CFAP47: variants seen among roughly 807,000 people sequenced by gnomAD.
CFAP47 encodes cilia and flagella associated protein 47.
A neutral mutation model predicts 148.1 loss-of-function variants in CFAP47; 29 were observed. The ratio of observed to expected loss-of-function variants is 0.20; its 90% confidence interval spans 0.15 to 0.27. The LOEUF is 0.27. Among genes scored for constraint, CFAP47 ranks in the 10% least tolerant of loss-of-function variants. The probability of loss-of-function intolerance (pLI) is 1.00; values close to 1 mark genes in which losing one functional copy is unlikely to be tolerated. For missense variants in CFAP47, 1,872 were observed against 1,697.5 expected (o/e 1.10, Z -1.81); for synonymous variants, 664 against 577.3 (o/e 1.15, Z -2.15).
intron 27 of CFAP47, among the ~76,000 whole-genome samples, chrX:36,067,323 CA>C (rs763198556): frequency 8.1e-5 from 9 of 111,311 alleles, no homozygotes; most frequent in Non-Finnish European, 1.7e-4. Flanking sequence ...CAACATAACC[CA>C]AACTGAAGTC....
intron 33 of CFAP47, among the ~76,000 whole-genome samples, chrX:36,113,153 T>C (rs1406186434): frequency 2.7e-5 from 3 of 112,063 alleles, no homozygotes; most frequent in Non-Finnish European, 3.8e-5. Flanking sequence ...CTGGTTATTA[T>C]GCAGACTTGT....
At chrX:36,348,633 A>G (rs1941717848) in intron 58 of CFAP47, among the ~76,000 whole-genome samples, 1 of 111,043 alleles carries the variant, frequency 9.0e-6, no homozygotes, top group Non-Finnish European at 1.9e-5. Context: ...AACATAATAA[A>G]TAATCAGTAT....
At chrX:36,243,985 A>G (rs1223164613) in intron 48 of CFAP47, among the ~76,000 whole-genome samples, 2 of 110,626 alleles carry the variant, frequency 1.8e-5, no homozygotes, top group Admixed American at 1.9e-4. Context: ...TTCAGTAATT[A>G]AAGCAAGACT....
intron 30 of CFAP47, among the ~76,000 whole-genome samples, chrX:36,089,420 CCTT>C (rs1305631654): frequency 1.8e-5 from 2 of 111,699 alleles, no homozygotes; most frequent in African/African-American, 6.5e-5. Flanking sequence ...AGTGTTATAT[CCTT>C]CTCACTTATG....
intron 50 of CFAP47, among the ~76,000 whole-genome samples, chrX:36,282,334 G>A (rs1396815721): frequency 9.0e-6 from 1 of 110,805 alleles, no homozygotes; most frequent in Non-Finnish European, 1.9e-5. Flanking sequence ...GAACCATGAA[G>A]GAAAACCTTC....
At chrX:36,011,349 A>C (rs989355640) in intron 21 of CFAP47, among the ~76,000 whole-genome samples, 3 of 111,922 alleles carry the variant, frequency 2.7e-5, no homozygotes, top group African/African-American at 9.7e-5. Flanking sequence ...CAAAGATGAA[A>C]GTTTAACATC....
At chrX:35,949,579 A>G in intron 4 of CFAP47, among the ~76,000 whole-genome samples, 1 of 111,686 alleles carries the variant, frequency 9.0e-6, no homozygotes, top group Middle Eastern at 4.6e-3. Context: ...AGAGGATCTT[A>G]AATTCAGTTT....
At position 36,373,792 on chromosome X, in the gene CFAP47, C is replaced by T. The variant is rs782183991; in HGVS notation, c.9186-5558C>T. ...GAGTTTATCATGAAATGATGTTAAA[C>T]TTTACCAAATGCTTATTCAGCATCC... On this transcript the variant is annotated intron_variant, in intron 62 of 63. Coordinates refer to ENST00000378653, the MANE Select transcript of CFAP47 (RefSeq NM_001304548.2). Among the ~76,000 whole-genome samples the T allele has an allele frequency of 2.4e-4, 27 of 111,864 alleles. 1 individual carries two copies. In the South Asian group the frequency reaches 8.1e-3, roughly 34 times the overall value.
intron 46 of CFAP47, among the ~76,000 whole-genome samples, chrX:36,233,743 T>C (rs1315734428): frequency 7.2e-5 from 8 of 111,637 alleles, no homozygotes; most frequent in East Asian, 5.6e-4. Flanking sequence ...GATTTTGCAG[T>C]GGCTGGTACC....
chrX:36,330,362 C>G (rs113303528), intron 57 of CFAP47, among the ~76,000 whole-genome samples: 4,588 of 111,679 alleles, frequency 0.041, 224 homozygotes, highest in African/African-American at 0.14. Flanking sequence ...TTAAGGACTG[C>G]TCTATATATT....
intron 39 of CFAP47, among the ~76,000 whole-genome samples, chrX:36,175,981 G>T (rs916146940): frequency 2.7e-5 from 3 of 112,577 alleles, no homozygotes; most frequent in South Asian, 7.3e-4. Flanking sequence ...CTCCGAGCCA[G>T]GTGCGGGATA....
At chrX:36,207,346 C>T (rs1056029090) in intron 45 of CFAP47, among the ~76,000 whole-genome samples, 11 of 109,066 alleles carry the variant, frequency 1.0e-4, no homozygotes, top group African/African-American at 3.7e-4. Context: ...AAACAAATGA[C>T]AAGAATTTAT....
intron 60 of CFAP47, among the ~76,000 whole-genome samples, chrX:36,357,347 T>G (rs781930215): frequency 1.8e-5 from 2 of 111,859 alleles, no homozygotes; most frequent in South Asian, 7.5e-4. Flanking sequence ...ATAGAATTTC[T>G]GAGTCACATA....
chrX:35,923,971 A>G (rs183896423), intron 1 of CFAP47, among the ~76,000 whole-genome samples: 21 of 90,196 alleles, frequency 2.3e-4, no homozygotes, highest in Middle Eastern at 5.7e-3. Flanking sequence ...ATATATGTGT[A>G]TGTATGTGTA....
At chrX:35,987,882 C>T (rs1601918303) in intron 15 of CFAP47, among the ~76,000 whole-genome samples, 2 of 111,638 alleles carry the variant, frequency 1.8e-5, no homozygotes, top group South Asian at 7.6e-4. Context: ...ACCACTTGTG[C>T]TTCCCAGGTG....
intron 61 of CFAP47, among the ~76,000 whole-genome samples, chrX:36,363,097 C>A (rs1428539435): frequency 9.0e-6 from 1 of 111,343 alleles, no homozygotes; most frequent in African/African-American, 3.3e-5. Context: ...TAATTTAGGG[C>A]AAAATTTTTT....
intron 15 of CFAP47, among the ~76,000 whole-genome samples, chrX:35,983,739 G>T (rs1936677351): frequency 1.8e-5 from 2 of 111,646 alleles, no homozygotes; most frequent in South Asian, 7.4e-4. Flanking sequence ...TATATTGTTA[G>T]TTATATTTAT....
At chrX:36,016,681 T>C (rs963314637) in intron 22 of CFAP47, among the ~76,000 whole-genome samples, 1 of 106,928 alleles carries the variant, frequency 9.4e-6, no homozygotes, top group Non-Finnish European at 1.9e-5. Flanking sequence ...AACAGTGGGA[T>C]TGCTGGATCT....
chrX:36,269,053 A>G (rs1164628082), intron 49 of CFAP47, among the ~76,000 whole-genome samples: 3 of 111,872 alleles, frequency 2.7e-5, no homozygotes, highest in Non-Finnish European at 5.6e-5. Flanking sequence ...GTTTGCAAAT[A>G]CTGATAAACC....
Sources: allele counts gnomAD v4.1 joint callset (sites outside exome capture counted in the v4.1 genomes callset), GRCh38; gene constraint gnomAD v4.1.1; transcripts MANE v1.5; gene names NCBI Gene and HGNC (gene_info 2026-07-23, HGNC 2026-07-21).